ORC3: variants seen among roughly 807,000 people sequenced by gnomAD.
ORC3 encodes homolog of latheo, Drosophila.
A neutral mutation model predicts 100.7 loss-of-function variants in ORC3; 78 were observed. That is an observed-to-expected ratio of 0.77 (90% confidence interval 0.65 to 0.94). ORC3 has a LOEUF of 0.94. ORC3 is among the 40% of genes least tolerant of loss of function. The pLI, the probability that ORC3 is intolerant of heterozygous loss-of-function variation, is 0.00. For missense variants in ORC3, 789 were observed against 823.9 expected (o/e 0.96, Z 0.52); for synonymous variants, 295 against 289.3 (o/e 1.02, Z -0.20).
At chr6:87,595,129 A>G (rs1012326309) in intron 2 of ORC3, 1 of 152,220 alleles carries the variant, frequency 6.6e-6, no homozygotes, top group Non-Finnish European at 1.5e-5. Context: ...GTGCACATCA[A>G]TACATGCTGA....
intron 12 of ORC3, among the ~76,000 whole-genome samples, chr6:87,635,929 T>C (rs1767783242): frequency 6.6e-6 from 1 of 151,774 alleles, no homozygotes; most frequent in Admixed American, 6.6e-5. Context: ...AGCCTCATTT[T>C]ACTTTTATAT....
the ORC3 span, chr6:87,674,985 T>C: frequency 7.7e-6 from 1 of 130,600 alleles, no homozygotes; most frequent in African/African-American, 2.9e-5. Context: ...AGTAAAACAA[T>C]GATACACTGG....
chr6:87,676,678 G>A, the ORC3 span, among the ~76,000 whole-genome samples: 4 of 151,334 alleles, frequency 2.6e-5, no homozygotes, highest in Non-Finnish European at 5.9e-5. Flanking sequence ...TACTCAGGAG[G>A]TTAAGGCAGG....
intron 16 of ORC3, among the ~76,000 whole-genome samples, chr6:87,660,461 G>A (rs1207963594): frequency 6.6e-6 from 1 of 152,180 alleles, no homozygotes; most frequent in African/African-American, 2.4e-5. Flanking sequence ...TCTCTACACT[G>A]CCCTCAACAG....
intron 2 of ORC3, among the ~76,000 whole-genome samples, chr6:87,597,065 C>T (rs1255253198): frequency 6.6e-6 from 1 of 152,060 alleles, no homozygotes; most frequent in Non-Finnish European, 1.5e-5. Flanking sequence ...TATCCCAAAT[C>T]TTGGGACCAG....
chr6:87,613,673 G>A (rs1341549672), intron 8 of ORC3, among the ~76,000 whole-genome samples: 1 of 152,156 alleles, frequency 6.6e-6, no homozygotes, highest in Non-Finnish European at 1.5e-5. Context: ...CATTCCAAAT[G>A]GGAGAAATTG....
At chr6:87,644,943 G>A (rs1386560295) in intron 13 of ORC3, among the ~76,000 whole-genome samples, 1 of 152,040 alleles carries the variant, frequency 6.6e-6, no homozygotes. Flanking sequence ...TCTTTTTGAT[G>A]TATTCCACAA....
intron 3 of ORC3, among the ~76,000 whole-genome samples, chr6:87,602,257 A>G (rs4707380): frequency 0.4 from 60,963 of 151,956 alleles, 12,347 homozygotes; most frequent in Admixed American, 0.48. Context: ...AAAAACTCAT[A>G]TTTCTTGTGA....
intron 9 of ORC3, among the ~76,000 whole-genome samples, chr6:87,618,865 C>A (rs1480756775): frequency 6.6e-6 from 1 of 151,758 alleles, no homozygotes; most frequent in African/African-American, 2.4e-5. Flanking sequence ...AGGTTAGTAC[C>A]GTTTATTAAC....
At chr6:87,664,002 G>A (rs938125957) in intron 17 of ORC3, among the ~76,000 whole-genome samples, 5 of 151,956 alleles carry the variant, frequency 3.3e-5, no homozygotes, top group African/African-American at 1.2e-4. Flanking sequence ...TTTCAGTGAT[G>A]GTGAAAACCA....
chr6:87,609,326 G>A, intron 7 of ORC3, 97 bp downstream of exon 7: 5 of 762,306 alleles, frequency 6.6e-6, no homozygotes, highest in South Asian at 2.8e-5. Context: ...AATACCAACT[G>A]GATAAAAATC....
Position 87,612,155 on chromosome 6 carries a change from C to A in ORC3, c.780C>A (p.His260Gln). 1 of 1,613,578 alleles carries A rather than the reference C, an allele frequency of 6.2e-7. No homozygotes were observed. Among genetic ancestry groups the A allele is most frequent in the East Asian group, 2.2e-5 (1 of 44,802 alleles). The change falls in exon 8 of 20, where the codon CAC becomes CAA. Residue 260 changes from histidine (H) to glutamine (Q), a missense_variant. Physicochemically the swap from His to Gln is conservative, Grantham distance 24. Coordinates refer to ENST00000392844, the MANE Select transcript of ORC3 (RefSeq NM_012381.4). The part of the protein sequence containing the change: ...FGIATSPIII[H>Q]RLLPHAVSSL... ...TAGCCACATCTCCTATTATCATCCACCGATTGCTTCCTCATGCAGTATCAT... is the reference window on the plus strand; with the variant it reads ...TAGCCACATCTCCTATTATCATCCAACGATTGCTTCCTCATGCAGTATCAT...
intron 7 of ORC3, among the ~76,000 whole-genome samples, chr6:87,610,060 T>C (rs1395478040): frequency 6.6e-6 from 1 of 152,208 alleles, no homozygotes; most frequent in Non-Finnish European, 1.5e-5. Context: ...GAACTCTTAT[T>C]TTAAAATCCA....
chr6:87,671,281 G>C (rs1160334354), downstream of ORC3, among the ~76,000 whole-genome samples: 1 of 152,088 alleles, frequency 6.6e-6, no homozygotes. Context: ...TAGTGTCTTG[G>C]ATTAGGGTAA....
chr6:87,644,712 G>A (rs531799387), intron 13 of ORC3, among the ~76,000 whole-genome samples: 2 of 152,230 alleles, frequency 1.3e-5, no homozygotes, highest in African/African-American at 4.8e-5. Context: ...AGCCTGGCGT[G>A]GTGGCGTGTG....
At chr6:87,630,427 A>G (rs1317259969) in intron 11 of ORC3, among the ~76,000 whole-genome samples, 3 of 152,080 alleles carry the variant, frequency 2.0e-5, no homozygotes, top group Non-Finnish European at 4.4e-5. Flanking sequence ...TAAAAGAGAG[A>G]CTAAGTGTTC....
intron 17 of ORC3, among the ~76,000 whole-genome samples, chr6:87,663,893 A>T (rs1301250288): frequency 1.3e-5 from 2 of 152,206 alleles, no homozygotes; most frequent in Admixed American, 1.3e-4. Context: ...CGTAAGACCT[A>T]TGAAGAGCAT....
At chr6:87,675,454 G>T in the ORC3 span, 3 of 1,165,384 alleles carry the variant, frequency 2.6e-6, no homozygotes, top group South Asian at 4.0e-5. Flanking sequence ...AGTTGCTGCT[G>T]CCTAAGAGTG....
chr6:87,659,025 G>GC (rs1190059720), intron 16 of ORC3, among the ~76,000 whole-genome samples: 2 of 142,504 alleles, frequency 1.4e-5, no homozygotes, highest in African/African-American at 5.2e-5. Context: ...AGTGGGGCGG[G>GC]GGGGGGAGAA....
Sources: allele counts gnomAD v4.1 joint callset (sites outside exome capture counted in the v4.1 genomes callset), GRCh38; gene constraint gnomAD v4.1.1; transcripts MANE v1.5; gene names NCBI Gene and HGNC (gene_info 2026-07-23, HGNC 2026-07-21).